SYN3: variants seen among roughly 807,000 people sequenced by gnomAD.
SYN3 encodes synapsin-3.
In SYN3, 35 loss-of-function variants were observed where a neutral mutation model predicts 65.8. That is an observed-to-expected ratio of 0.53 (90% confidence interval 0.41 to 0.70). The LOEUF (loss-of-function observed/expected upper bound fraction) is 0.70. Among genes scored for constraint, SYN3 ranks in the 30% least tolerant of loss-of-function variants. SYN3 has a pLI of 0.00. For missense variants in SYN3, 680 were observed against 749.0 expected (o/e 0.91, Z 1.08); for synonymous variants, 270 against 292.9 (o/e 0.92, Z 0.80).
At chr22:32,920,851 G>C (rs1304030127) in intron 4 of SYN3, among the ~76,000 whole-genome samples, 1 of 152,170 alleles carries the variant, frequency 6.6e-6, no homozygotes, top group Non-Finnish European at 1.5e-5. Flanking sequence ...GGCAGAGGGA[G>C]AGAAGGGGGT....
At chr22:32,961,591 AC>A (rs2051654449) in intron 3 of SYN3, among the ~76,000 whole-genome samples, 1 of 152,196 alleles carries the variant, frequency 6.6e-6, no homozygotes, top group Admixed American at 6.5e-5. Flanking sequence ...CCTCGTAGCA[AC>A]CCCACAGAAT....
At chr22:32,942,452 C>T (rs943292637) in intron 3 of SYN3, among the ~76,000 whole-genome samples, 1 of 152,178 alleles carries the variant, frequency 6.6e-6, no homozygotes, top group Non-Finnish European at 1.5e-5. Context: ...TTGTACGTCA[C>T]CATCATCAAA....
intron 1 of SYN3, among the ~76,000 whole-genome samples, chr22:33,021,053 G>A (rs2053551525): frequency 6.6e-6 from 1 of 152,190 alleles, no homozygotes; most frequent in Non-Finnish European, 1.5e-5. Context: ...TTTAGACAAT[G>A]TGTTTCCCAT....
chr22:32,992,242 C>T (rs1011424650), intron 2 of SYN3, among the ~76,000 whole-genome samples: 1 of 152,364 alleles, frequency 6.6e-6, no homozygotes, highest in East Asian at 1.9e-4. Flanking sequence ...TAAAGGCTTG[C>T]AGCCTGACCC....
Position 33,006,635 on chromosome 22 carries a change from C to A in SYN3, c.28G>T (p.Asp10Tyr). The A allele has an allele frequency of 6.3e-7, 1 of 1,595,084 alleles. No individual in the cohort carries two copies. The change falls in exon 2 of 14, where the codon GAC becomes TAC. Residue 10 changes from aspartate (D) to tyrosine (Y), a missense_variant. Physicochemically the swap from Asp to Tyr is radical, Grantham distance 160. Transcript: ENST00000358763. The part of the protein sequence containing the change: MNFLRRRLS[D>Y]SSFMANLPNG... ...GGCAGGTTGGCCATGAAGCTGCTGTCAGAGAGACGTCGCCGGAGGAAATTC... is the reference window on the plus strand; with the variant it reads ...GGCAGGTTGGCCATGAAGCTGCTGTAAGAGAGACGTCGCCGGAGGAAATTC...
intron 6 of SYN3, among the ~76,000 whole-genome samples, chr22:32,802,828 AT>A (rs1034287114): frequency 4.0e-4 from 61 of 152,192 alleles, no homozygotes; most frequent in Non-Finnish European, 7.8e-4. Context: ...CAGGAAGGCT[AT>A]TTTTTTCCCC....
At chr22:32,909,283 G>A (rs530550306) in intron 4 of SYN3, among the ~76,000 whole-genome samples, 44 of 152,292 alleles carry the variant, frequency 2.9e-4, no homozygotes, top group Admixed American at 2.1e-3. Context: ...TAACCCAGTG[G>A]TTAAAGGCAG....
chr22:33,022,096 G>C (rs765124085), intron 1 of SYN3, among the ~76,000 whole-genome samples: 1 of 152,190 alleles, frequency 6.6e-6, no homozygotes, highest in Non-Finnish European at 1.5e-5. Flanking sequence ...GCAAAGGACT[G>C]ACTGATTCTC....
chr22:32,726,357 G>C (rs914272072), intron 6 of SYN3, among the ~76,000 whole-genome samples: 3 of 152,292 alleles, frequency 2.0e-5, no homozygotes, highest in South Asian at 2.1e-4. Flanking sequence ...TGGCCAGGAT[G>C]TTCTTGATCT....
At chr22:32,943,020 C>A (rs555573938) in intron 3 of SYN3, among the ~76,000 whole-genome samples, 1 of 152,214 alleles carries the variant, frequency 6.6e-6, no homozygotes, top group Non-Finnish European at 1.5e-5. Context: ...GGAAAACACT[C>A]TGCAGGATAT....
intron 6 of SYN3, among the ~76,000 whole-genome samples, chr22:32,687,363 C>T (rs1320850548): frequency 6.6e-6 from 1 of 151,210 alleles, no homozygotes; most frequent in African/African-American, 2.4e-5. Context: ...AGGGTTTCAC[C>T]ATGTTCGCCA....
At chr22:32,662,664 TAATAC>T (rs1274681489) in intron 6 of SYN3, among the ~76,000 whole-genome samples, 1 of 152,200 alleles carries the variant, frequency 6.6e-6, no homozygotes, top group Non-Finnish European at 1.5e-5. Flanking sequence ...GGAAATGAGT[TAATAC>T]AATAGCATTA....
rs138574940 is a variant in SYN3, at chr22:33,053,841, C to G, written c.-163+4451G>C. On this transcript the variant is annotated intron_variant, in intron 1 of 13. Coordinates refer to ENST00000358763, the MANE Select transcript of SYN3 (RefSeq NM_003490.4). ...TGGATAAACTCCATGAGATTAGAGC[C>G]ATGTCTACTTTCTCCACTAACATAA... Among the ~76,000 whole-genome samples, 762 of 152,270 alleles carry G rather than the reference C, an allele frequency of 5.0e-3. 2 individuals are homozygous for G. Among genetic ancestry groups the G allele is most frequent in the Non-Finnish European group, 8.1e-3 (550 of 68,028 alleles).
intron 6 of SYN3, among the ~76,000 whole-genome samples, chr22:32,641,148 G>A (rs1415595568): frequency 2.0e-5 from 3 of 152,172 alleles, no homozygotes; most frequent in Non-Finnish European, 2.9e-5. Flanking sequence ...GAGCACGAAC[G>A]TCAACAATGG....
chr22:32,527,800 G>A (rs2146132800), intron 12 of SYN3, 118 bp downstream of exon 12: 2 of 819,866 alleles, frequency 2.4e-6, no homozygotes, highest in Non-Finnish European at 3.9e-6. Flanking sequence ...TCATTCTGTG[G>A]ATAAAGTATT....
intron 6 of SYN3, among the ~76,000 whole-genome samples, chr22:32,814,135 TGTGTGTGAGAGAGA>T (rs1299463871): frequency 8.3e-5 from 6 of 72,084 alleles, no homozygotes; most frequent in African/African-American, 3.1e-4. Flanking sequence ...TGTGTGTGTG[TGTGTGTGAGAGAGA>T]GAGAGAGAGA....
At chr22:32,517,308 C>T (rs1281966999) in intron 13 of SYN3, among the ~76,000 whole-genome samples, 1 of 152,180 alleles carries the variant, frequency 6.6e-6, no homozygotes, top group East Asian at 1.9e-4. Flanking sequence ...AGCAGTTCTA[C>T]CATGTAAGAA....
At chr22:33,044,406 T>C (rs1012835831) in intron 1 of SYN3, among the ~76,000 whole-genome samples, 1 of 152,138 alleles carries the variant, frequency 6.6e-6, no homozygotes, top group Non-Finnish European at 1.5e-5. Flanking sequence ...CCCCTGTTAA[T>C]AACTGAGGAG....
At chr22:32,957,654 T>C (rs1169297483) in intron 3 of SYN3, among the ~76,000 whole-genome samples, 2 of 152,208 alleles carry the variant, frequency 1.3e-5, no homozygotes, top group Admixed American at 6.5e-5. Context: ...CAAATCCCCA[T>C]AGGCTTTTGC....
Sources: gnomAD v4.1 joint callset for allele counts (sites outside exome capture counted in the v4.1 genomes callset) on GRCh38, gnomAD v4.1.1 for gene constraint, MANE v1.5 for transcripts, NCBI Gene and HGNC (gene_info 2026-07-23, HGNC 2026-07-21) for gene names.